The following BRWD1 variants were observed in gnomAD, a reference collection of about 807,000 sequenced individuals.
BRWD1 encodes bromodomain and WD repeat domain containing 1, also known as bromodomain and WD repeat-containing protein 1.
A neutral mutation model predicts 251.2 loss-of-function variants in BRWD1; 82 were observed. The observed-to-expected ratio is 0.33, with a 90% confidence interval of 0.27 to 0.39. The LOEUF (loss-of-function observed/expected upper bound fraction) is 0.39, where lower values mean the gene tolerates loss of function less well. Ranked by LOEUF, BRWD1 falls within the 10% of genes least tolerant of loss-of-function variation. The pLI, the probability that BRWD1 is intolerant of heterozygous loss-of-function variation, is 1.00. For synonymous variants in BRWD1, 918 were observed against 902.8 expected, an observed-to-expected ratio of 1.02 and a Z score of -0.30; for missense variants, 2,233 against 2,711.6, an observed-to-expected ratio of 0.82 and a Z score of 3.92.
intron 8 of BRWD1, among the ~76,000 whole-genome samples, chr21:39,291,350 C>A (rs915334591): frequency 2.6e-5 from 4 of 152,158 alleles, no homozygotes; most frequent in South Asian, 2.1e-4. Context: ...CTTTAAAAGC[C>A]TTATAAATCA....
chr21:39,228,210 C>A (rs1389617559), intron 27 of BRWD1, among the ~76,000 whole-genome samples: 13 of 152,140 alleles, frequency 8.5e-5, no homozygotes, highest in Admixed American at 8.5e-4. Context: ...ATCGCTTGAA[C>A]TTTGGAGGCA....
rs374524123 is a variant in BRWD1, at chr21:39,199,608, T to C, written c.4808A>G (p.Tyr1603Cys). 43 of 1,613,602 alleles carry C rather than the reference T, an allele frequency of 2.7e-5. No individual in the cohort carries two copies. The highest frequency in any genetic ancestry group is 3.2e-5 in the Non-Finnish European group (38 of 1,179,922). Reference protein sequence around the residue: ...CGRKATRKRVYLSDSDNNSLE... With the variant: ...CGRKATRKRVCLSDSDNNSLE... ...TGAATTGTTATCAGAATCACTTAAATAGACTCTCTTTCGAGTGGCTTTTCT... is the reference window on the plus strand; with the variant it reads ...TGAATTGTTATCAGAATCACTTAAACAGACTCTCTTTCGAGTGGCTTTTCT... Residue 1603 changes from tyrosine (Y) to cysteine (C), a missense_variant, in exon 40 of 41, where the codon TAT becomes TGT. By Grantham distance (194) the Tyr-to-Cys change is radical (BLOSUM62 -2). Around this residue, in one of 12 missense-constraint regions of BRWD1, gnomAD observed 928 missense variants for 970.0 expected, o/e 0.96. Coordinates refer to ENST00000342449, the MANE Select transcript of BRWD1 (RefSeq NM_033656.4).
chr21:39,262,680 A>C (rs2034793611), intron 17 of BRWD1, among the ~76,000 whole-genome samples: 1 of 151,950 alleles, frequency 6.6e-6, no homozygotes. Context: ...ATGCCACTGC[A>C]CTCCAGTCTG....
intron 17 of BRWD1, among the ~76,000 whole-genome samples, chr21:39,260,958 C>A (rs528251616): frequency 6.6e-6 from 1 of 152,176 alleles, no homozygotes; most frequent in Non-Finnish European, 1.5e-5. Flanking sequence ...TGGTGGCTCA[C>A]GCCTGTCTGT....
chr21:39,220,947 C>A (rs1437162911), intron 29 of BRWD1, among the ~76,000 whole-genome samples: 1 of 151,946 alleles, frequency 6.6e-6, no homozygotes, highest in Non-Finnish European at 1.5e-5. Context: ...CACTTGAGGT[C>A]AGGAATTCAA....
intron 8 of BRWD1, among the ~76,000 whole-genome samples, chr21:39,280,925 T>C (rs1055621311): frequency 3.9e-5 from 6 of 152,066 alleles, no homozygotes; most frequent in Non-Finnish European, 8.8e-5. Flanking sequence ...CTTAATAAAA[T>C]ACCAAAAGTG....
intron 8 of BRWD1, among the ~76,000 whole-genome samples, chr21:39,291,014 T>C (rs1267398681): frequency 1.3e-5 from 2 of 152,022 alleles, no homozygotes; most frequent in African/African-American, 2.4e-5. Context: ...CCTGTGGCCC[T>C]AGCTACTCGA....
At chr21:39,208,704 T>C (rs1373775207) in intron 36 of BRWD1, among the ~76,000 whole-genome samples, 2 of 151,796 alleles carry the variant, frequency 1.3e-5, no homozygotes, top group African/African-American at 4.8e-5. Context: ...TGCCTATAGG[T>C]GGGATTACAG....
intron 5 of BRWD1, 100 bp downstream of exon 5, chr21:39,298,332 T>C: frequency 3.6e-6 from 5 of 1,388,010 alleles, no homozygotes; most frequent in Non-Finnish European, 4.7e-6. Context: ...GATTTATAGT[T>C]ACATTATCAC....
chr21:39,248,803 T>G, intron 20 of BRWD1, among the ~76,000 whole-genome samples: 1 of 152,240 alleles, frequency 6.6e-6, no homozygotes, highest in East Asian at 1.9e-4. Context: ...AGCAGTTTGA[T>G]GATCCCTCAA....
At chr21:39,274,353 C>T (rs1045539160) in intron 13 of BRWD1, 21 bp downstream of exon 13, 6 of 1,572,342 alleles carry the variant, frequency 3.8e-6, no homozygotes, top group Middle Eastern at 1.7e-4. Context: ...GATGCACCTA[C>T]TTCTAACAAT....
intron 4 of BRWD1, among the ~76,000 whole-genome samples, chr21:39,306,624 T>C (rs1251155581): frequency 6.6e-6 from 1 of 152,190 alleles, no homozygotes; most frequent in African/African-American, 2.4e-5. Context: ...CAGAAGATCC[T>C]TATATTTAGT....
chr21:39,228,372 C>A, intron 27 of BRWD1, 128 bp downstream of exon 27: 1 of 623,624 alleles, frequency 1.6e-6, no homozygotes, highest in South Asian at 2.3e-5. Flanking sequence ...ATTTATAGGT[C>A]ACTTATATCT....
intron 13 of BRWD1, among the ~76,000 whole-genome samples, chr21:39,273,069 T>C (rs1230498490): frequency 6.6e-6 from 1 of 152,230 alleles, no homozygotes; most frequent in Non-Finnish European, 1.5e-5. Flanking sequence ...AATGAGAAGA[T>C]ATTTTCTCAT....
downstream of BRWD1, chr21:39,185,311 A>AAAAAAAAAAAC (rs2031163830): frequency 6.6e-6 from 1 of 150,460 alleles, no homozygotes; most frequent in Non-Finnish European, 1.5e-5. Flanking sequence ...AAAAAAAAAA[A>AAAAAAAAAAAC]AAAAAAAAAA....
intron 4 of BRWD1, among the ~76,000 whole-genome samples, chr21:39,303,519 CAAAAAA>C (rs34013314): frequency 3.3e-5 from 3 of 91,696 alleles, no homozygotes; most frequent in Admixed American, 1.4e-4. Context: ...ACTCCATCTC[CAAAAAA>C]AAAAAAAAAA....
intron 19 of BRWD1, among the ~76,000 whole-genome samples, chr21:39,253,662 T>C (rs1005373382): frequency 1.3e-5 from 2 of 152,162 alleles, no homozygotes; most frequent in Admixed American, 6.6e-5. Context: ...CTTCCCAAAT[T>C]CACAGAACAA....
At chr21:39,292,015 C>T (rs116863127) in intron 8 of BRWD1, among the ~76,000 whole-genome samples, 2,968 of 151,542 alleles carry the variant, frequency 0.02, 62 homozygotes, top group Non-Finnish European at 0.031. Flanking sequence ...GGTGCGATAA[C>T]GGCTCACTGC....
chr21:39,277,155 T>G, intron 11 of BRWD1, 96 bp downstream of exon 11: 1 of 754,112 alleles, frequency 1.3e-6, no homozygotes, highest in Non-Finnish European at 1.9e-6. Flanking sequence ...AGAAAAAAAA[T>G]TAAAAATAAA....
Sources: gnomAD v4.1 joint callset for allele counts (sites outside exome capture counted in the v4.1 genomes callset) on GRCh38, gnomAD v4.1.1 for gene constraint, gnomAD v4.1.1 regional missense constraint, MANE v1.5 for transcripts, NCBI Gene and HGNC (gene_info 2026-07-23, HGNC 2026-07-21) for gene names.